AUTS2: variants seen among roughly 807,000 people sequenced by gnomAD.
AUTS2 encodes activator of transcription and developmental regulator AUTS2.
AUTS2 carries 17 observed loss-of-function variants against 112.4 expected under a neutral mutation model. That is an observed-to-expected ratio of 0.15 (90% CI 0.10 to 0.23). AUTS2 has a LOEUF of 0.23. AUTS2 is among the 10% of genes least tolerant of loss of function. AUTS2 has a pLI of 1.00. For missense variants in AUTS2, 1,510 were observed against 1,701.6 expected (o/e 0.89, Z 1.98); for synonymous variants, 751 against 702.7 (o/e 1.07, Z -1.09).
intron 1 of AUTS2, among the ~76,000 whole-genome samples, chr7:69,804,838 A>G (rs1343790954): frequency 6.6e-6 from 1 of 152,208 alleles, no homozygotes. Flanking sequence ...ACTTGTTTGC[A>G]ATGCAGATTT....
intron 2 of AUTS2, among the ~76,000 whole-genome samples, chr7:69,934,592 A>G (rs1410404376): frequency 6.6e-6 from 1 of 152,156 alleles, no homozygotes; most frequent in African/African-American, 2.4e-5. Flanking sequence ...TGAACTGCTG[A>G]TCTCCTACCC....
intron 2 of AUTS2, among the ~76,000 whole-genome samples, chr7:69,907,388 C>G (rs188379391): frequency 9.1e-4 from 139 of 152,220 alleles, no homozygotes; most frequent in African/African-American, 3.2e-3. Context: ...TTTTTCCTTC[C>G]GTATCCAAGG....
chr7:69,902,529 A>T (rs192066354), intron 2 of AUTS2, among the ~76,000 whole-genome samples: 1 of 152,300 alleles, frequency 6.6e-6, no homozygotes, highest in Admixed American at 6.5e-5. Context: ...GTTAGAATGA[A>T]TTAGGTTTGC....
At chr7:69,621,927 T>C (rs1437596240) in intron 1 of AUTS2, among the ~76,000 whole-genome samples, 2 of 152,116 alleles carry the variant, frequency 1.3e-5, no homozygotes, top group Admixed American at 1.3e-4. Flanking sequence ...TAGGCCTTTT[T>C]TACTTTAACC....
At chr7:70,335,833 A>C (rs1790963960) in intron 4 of AUTS2, among the ~76,000 whole-genome samples, 2 of 152,230 alleles carry the variant, frequency 1.3e-5, no homozygotes, top group South Asian at 4.1e-4. Context: ...ACCATCATCA[A>C]GCAGTATTAA....
rs569028447 is a variant in AUTS2 at position 69,611,526 on chromosome 7, T to C, written c.309+11564T>C. ...TGTTTTTAAATATTGAAGTATAATG[T>C]GATTCCAGAAATGGTTCCTGTGTTT... On this transcript the variant is annotated intron_variant, in intron 1 of 18. Coordinates refer to ENST00000342771, the MANE Select transcript of AUTS2 (RefSeq NM_015570.4). Among the ~76,000 whole-genome samples, 19 of 152,386 alleles carry C rather than the reference T, an allele frequency of 1.2e-4. No homozygotes were observed. The South Asian group carries it at 3.9e-3, about 32-fold the overall frequency.
intron 2 of AUTS2, among the ~76,000 whole-genome samples, chr7:70,072,078 C>T (rs984576555): frequency 1.1e-4 from 16 of 152,152 alleles, no homozygotes; most frequent in African/African-American, 2.7e-4. Flanking sequence ...CTGACAAAAG[C>T]GAGGACATGA....
intron 5 of AUTS2, among the ~76,000 whole-genome samples, chr7:70,460,549 C>T (rs1309050223): frequency 6.6e-6 from 1 of 151,812 alleles, no homozygotes; most frequent in Non-Finnish European, 1.5e-5. Flanking sequence ...TGGGGTTTCA[C>T]CATGTTGGCC....
At chr7:69,681,268 C>A (rs1796784353) in intron 1 of AUTS2, among the ~76,000 whole-genome samples, 1 of 152,166 alleles carries the variant, frequency 6.6e-6, no homozygotes, top group Non-Finnish European at 1.5e-5. Context: ...TGCATATGTA[C>A]CTGGAAGTGT....
intron 4 of AUTS2, among the ~76,000 whole-genome samples, chr7:70,286,293 G>C (rs1051391859): frequency 3.9e-5 from 6 of 152,198 alleles, no homozygotes; most frequent in African/African-American, 1.4e-4. Context: ...AAGGGTTAAA[G>C]GTTTACCTGT....
chr7:69,666,875 C>T (rs1465239127), intron 1 of AUTS2, among the ~76,000 whole-genome samples: 2 of 152,078 alleles, frequency 1.3e-5, no homozygotes, highest in Non-Finnish European at 2.9e-5. Context: ...GCACTCCAGC[C>T]TGGGCGAGAG....
chr7:70,546,770 C>T (rs1326065883), intron 5 of AUTS2, among the ~76,000 whole-genome samples: 4 of 149,346 alleles, frequency 2.7e-5, no homozygotes, highest in Non-Finnish European at 5.9e-5. Flanking sequence ...CAGAGCGAGA[C>T]TCTGTCTCAA....
At chr7:70,502,063 T>C (rs983111883) in intron 5 of AUTS2, among the ~76,000 whole-genome samples, 5 of 152,196 alleles carry the variant, frequency 3.3e-5, no homozygotes, top group African/African-American at 4.8e-5. Context: ...TTAGTCAAGC[T>C]GTTCCTGAGA....
At chr7:70,496,465 T>TCA (rs1372148871) in intron 5 of AUTS2, among the ~76,000 whole-genome samples, 4 of 54,662 alleles carry the variant, frequency 7.3e-5, no homozygotes, top group Non-Finnish European at 1.0e-4. Context: ...ACGTACACAG[T>TCA]CACACACACA....
intron 4 of AUTS2, among the ~76,000 whole-genome samples, chr7:70,276,000 A>G (rs976986305): frequency 1.3e-5 from 2 of 152,214 alleles, no homozygotes; most frequent in South Asian, 2.1e-4. Context: ...ATTTCTGGCA[A>G]TTAGTATGTC....
intron 4 of AUTS2, among the ~76,000 whole-genome samples, chr7:70,248,270 A>G (rs538787359): frequency 2.7e-5 from 4 of 149,722 alleles, no homozygotes; most frequent in South Asian, 2.1e-4. Flanking sequence ...TACCACGCCC[A>G]GCTAATTTTT....
chr7:70,623,594 A>G (rs1190331902), intron 5 of AUTS2, among the ~76,000 whole-genome samples: 2 of 152,232 alleles, frequency 1.3e-5, no homozygotes, highest in African/African-American at 4.8e-5. Context: ...CATGTTAATC[A>G]TCATAGAAAG....
At chr7:69,878,004 G>T (rs1159910399) in intron 1 of AUTS2, among the ~76,000 whole-genome samples, 1 of 152,156 alleles carries the variant, frequency 6.6e-6, no homozygotes, top group Non-Finnish European at 1.5e-5. Flanking sequence ...CAAGGTAGAA[G>T]TGGCCATGCC....
intron 1 of AUTS2, among the ~76,000 whole-genome samples, chr7:69,894,254 T>TTTTTTTTTGTTG (rs1316599108): frequency 4.3e-4 from 55 of 127,666 alleles, no homozygotes; most frequent in African/African-American, 1.5e-3. Context: ...CTTAAAGCGT[T>TTTTTTTTTGTTG]TTTTTTTTTT....
Sources: gnomAD v4.1 joint callset for allele counts (sites outside exome capture counted in the v4.1 genomes callset) on GRCh38, gnomAD v4.1.1 for gene constraint, MANE v1.5 for transcripts, NCBI Gene and HGNC (gene_info 2026-07-23, HGNC 2026-07-21) for gene names.